Variants in SOS1 observed in about 807,000 individuals in gnomAD.
The protein encoded by SOS1 is SOS Ras/Rac guanine nucleotide exchange factor 1.
Under a neutral mutation model 157.6 loss-of-function variants are expected in SOS1, and 25 were observed. The observed-to-expected ratio is 0.16, with a 90% CI of 0.12 to 0.22. The LOEUF is 0.22. SOS1 is among the 10% of genes least tolerant of loss of function. The pLI, the probability that SOS1 is intolerant of heterozygous loss-of-function variation, is 1.00. For synonymous variants in SOS1, 528 were observed against 534.0 expected (o/e 0.99, Z 0.16); for missense variants, 1,237 against 1,599.1 (o/e 0.77, Z 3.86).
intron 1 of SOS1, 125 bp from the exon 2 acceptor site, chr2:39,067,878 G>T: frequency 1.2e-6 from 1 of 809,858 alleles, no homozygotes; most frequent in Non-Finnish European, 2.1e-6. Flanking sequence ...CAGCACTCTG[G>T]GAGGCCAAGG....
At chr2:38,989,238 A>G in intron 21 of SOS1, 32 bp downstream of exon 21, 2 of 1,504,652 alleles carry the variant, frequency 1.3e-6, no homozygotes, top group African/African-American at 2.7e-5. Context: ...AGCCAAAGCA[A>G]GAATTATGAG....
intron 1 of SOS1, among the ~76,000 whole-genome samples, chr2:39,083,137 C>CT (rs1672265491): frequency 6.6e-6 from 1 of 152,136 alleles, no homozygotes; most frequent in African/African-American, 2.4e-5. Flanking sequence ...ACCCTGAATG[C>CT]TTTTTCCCCT....
intron 2 of SOS1, among the ~76,000 whole-genome samples, chr2:39,064,624 C>G (rs2148134950): frequency 6.6e-6 from 1 of 152,140 alleles, no homozygotes; most frequent in East Asian, 1.9e-4. Context: ...CGAATCTTCC[C>G]CAGTTCCCTT....
intron 1 of SOS1, among the ~76,000 whole-genome samples, chr2:39,094,895 CA>C (rs1357129282): frequency 6.6e-6 from 1 of 152,154 alleles, no homozygotes; most frequent in East Asian, 1.9e-4. Flanking sequence ...ACCAAAACCA[CA>C]AGCCATAAAC....
At chr2:39,026,354 C>CAAA (rs761706344) in intron 8 of SOS1, among the ~76,000 whole-genome samples, 3 of 21,198 alleles carry the variant, frequency 1.4e-4, no homozygotes, top group African/African-American at 6.1e-4. Context: ...GACTCCGTCT[C>CAAA]AAAAAAAAAA....
chr2:38,998,781 G>A (rs534914264), intron 17 of SOS1, among the ~76,000 whole-genome samples: 36 of 152,246 alleles, frequency 2.4e-4, no homozygotes, highest in African/African-American at 8.2e-4. Context: ...TTTCCCTAAA[G>A]TACTGATTAC....
intron 1 of SOS1, among the ~76,000 whole-genome samples, chr2:39,090,919 A>T (rs1196340973): frequency 2.0e-5 from 3 of 152,018 alleles, no homozygotes; most frequent in Non-Finnish European, 4.4e-5. Context: ...CCCAAGCTGG[A>T]GTGCAGTGTT....
intron 17 of SOS1, among the ~76,000 whole-genome samples, chr2:39,004,991 A>G (rs368829863): frequency 1.3e-5 from 2 of 152,226 alleles, no homozygotes; most frequent in East Asian, 3.8e-4. Flanking sequence ...TCACATATCA[A>G]CAGTTTAAAA....
chr2:39,035,062 C>T, intron 8 of SOS1, 150 bp downstream of exon 8: 2 of 662,620 alleles, frequency 3.0e-6, no homozygotes, highest in Non-Finnish European at 5.5e-6. Flanking sequence ...TACTCTTTTG[C>T]AGACTGATTT....
rs1367301359 is a variant in SOS1 at position 39,120,666 on chromosome 2, C to G, written c.-244G>C. 6.8e-6 allele frequency among the ~76,000 whole-genome samples: 1 copy of G among 146,980 alleles called. No individual in the cohort carries two copies. The highest frequency in any genetic ancestry group is 1.5e-5 in the Non-Finnish European group (1 of 65,992). ...GGACGCGGCCCGGAGGCGGCGGCAT[C>G]CCGCACCACCGCCCCGGGGCCAGGC... On this transcript the variant is annotated 5_prime_UTR_variant, in exon 1 of 23. Coordinates refer to ENST00000402219, the MANE Select transcript of SOS1 (RefSeq NM_005633.4).
chr2:39,037,895 C>A (rs746651119), intron 6 of SOS1, among the ~76,000 whole-genome samples: 1 of 151,870 alleles, frequency 6.6e-6, no homozygotes, highest in South Asian at 2.1e-4. Context: ...TACTTTAAGC[C>A]CACTATTGAG....
chr2:39,049,517 C>G (rs1344651818), intron 6 of SOS1, among the ~76,000 whole-genome samples: 2 of 152,102 alleles, frequency 1.3e-5, no homozygotes. Context: ...TTCTTTTAAA[C>G]TTTTTGTATG....
chr2:39,113,816 G>C (rs1248419768), intron 1 of SOS1, among the ~76,000 whole-genome samples: 1 of 152,158 alleles, frequency 6.6e-6, no homozygotes, highest in Non-Finnish European at 1.5e-5. Flanking sequence ...CTCCAAGCAA[G>C]AAGCAAAAAT....
intron 1 of SOS1, among the ~76,000 whole-genome samples, chr2:39,110,549 T>TAAAA (rs558283271): frequency 7.9e-6 from 1 of 127,384 alleles, no homozygotes; most frequent in Non-Finnish European, 1.7e-5. Flanking sequence ...CAAGGAGCAA[T>TAAAA]AAAAAAAAAA....
chr2:39,098,405 TCATA>T (rs938739958), intron 1 of SOS1: 1 of 202,168 alleles, frequency 4.9e-6, no homozygotes, highest in African/African-American at 2.4e-5. Flanking sequence ...CAATACACGG[TCATA>T]CAGTGGAAGA....
chr2:39,033,817 G>A (rs1476567112), intron 8 of SOS1, among the ~76,000 whole-genome samples: 1 of 152,076 alleles, frequency 6.6e-6, no homozygotes, highest in Non-Finnish European at 1.5e-5. Flanking sequence ...AACTACAGGC[G>A]TGTGCCAACA....
At chr2:39,007,988 C>T (rs1404760820) in intron 15 of SOS1, among the ~76,000 whole-genome samples, 2 of 152,100 alleles carry the variant, frequency 1.3e-5, no homozygotes, top group Non-Finnish European at 2.9e-5. Context: ...CCTTCTTTCT[C>T]CCAGCTCAGT....
At chr2:39,014,642 T>C (rs1173944781) in intron 11 of SOS1, 123 bp downstream of exon 11, 2 of 525,558 alleles carry the variant, frequency 3.8e-6, no homozygotes, top group Non-Finnish European at 6.9e-6. Context: ...AGAGATTTTA[T>C]TTATTGAAAA....
intron 8 of SOS1, among the ~76,000 whole-genome samples, chr2:39,030,775 G>T (rs1210641410): frequency 1.3e-5 from 2 of 152,106 alleles, no homozygotes; most frequent in Non-Finnish European, 2.9e-5. Context: ...TTGGAAATAG[G>T]ATCTTGGCAG....
Sources: allele counts gnomAD v4.1 joint callset (sites outside exome capture counted in the v4.1 genomes callset), GRCh38; gene constraint gnomAD v4.1.1; transcripts MANE v1.5; gene names NCBI Gene and HGNC (gene_info 2026-07-23, HGNC 2026-07-21).